The following GPC6 variants were observed in gnomAD, a reference collection of about 807,000 sequenced individuals.
GPC6 encodes glypican-6.
Under a neutral mutation model 55.2 loss-of-function variants are expected in GPC6, and 14 were observed. That is an observed-to-expected ratio of 0.25 (90% confidence interval 0.17 to 0.40). The LOEUF (loss-of-function observed/expected upper bound fraction) is 0.40, where lower values mean the gene tolerates loss of function less well. Among genes scored for constraint, GPC6 ranks in the 10% least tolerant of loss-of-function variants. GPC6 has a pLI of 1.00. For synonymous variants in GPC6, 278 were observed against 259.6 expected (o/e 1.07, Z -0.68); for missense variants, 641 against 708.5 (o/e 0.90, Z 1.08).
At chr13:93,949,046 A>G (rs941701024) in intron 3 of GPC6, among the ~76,000 whole-genome samples, 1 of 152,110 alleles carries the variant, frequency 6.6e-6, no homozygotes, top group Non-Finnish European at 1.5e-5. Flanking sequence ...TATTGATTGG[A>G]TACTTACCTC....
At chr13:94,338,295 G>GA (rs1355928461) in intron 6 of GPC6, among the ~76,000 whole-genome samples, 2 of 152,104 alleles carry the variant, frequency 1.3e-5, no homozygotes, top group Non-Finnish European at 2.9e-5. Flanking sequence ...AAGTTTGGGG[G>GA]AACCCACAAG....
intron 1 of GPC6, among the ~76,000 whole-genome samples, chr13:93,319,096 A>C (rs946109097): frequency 6.6e-6 from 1 of 152,130 alleles, no homozygotes; most frequent in African/African-American, 2.4e-5. Flanking sequence ...CTGTCCCCTC[A>C]TGCATCTCTA....
intron 1 of GPC6, among the ~76,000 whole-genome samples, chr13:93,287,733 G>C (rs9523998): frequency 2.0e-5 from 3 of 151,954 alleles, no homozygotes; most frequent in African/African-American, 7.3e-5. Flanking sequence ...TGTGTATTAC[G>C]GGGGGAAATG....
At chr13:94,011,578 A>T (rs1328411385) in intron 3 of GPC6, among the ~76,000 whole-genome samples, 2 of 152,210 alleles carry the variant, frequency 1.3e-5, no homozygotes, top group Non-Finnish European at 1.5e-5. Context: ...TTGTTCTCGG[A>T]ATATGTTTAC....
At chr13:93,395,055 A>C in intron 1 of GPC6, 1 of 263,020 alleles carries the variant, frequency 3.8e-6, no homozygotes, top group Non-Finnish European at 7.6e-6. Context: ...CCAAAATGTG[A>C]AGACTGACTG....
At chr13:93,891,835 G>A (rs1289878568) in intron 3 of GPC6, among the ~76,000 whole-genome samples, 6 of 149,904 alleles carry the variant, frequency 4.0e-5, no homozygotes, top group Admixed American at 4.0e-4. Context: ...CATACTATAT[G>A]TGTGTGTGTG....
At chr13:94,009,598 C>A (rs1473192461) in intron 3 of GPC6, among the ~76,000 whole-genome samples, 4 of 152,094 alleles carry the variant, frequency 2.6e-5, no homozygotes, top group Non-Finnish European at 5.9e-5. Flanking sequence ...GGAAATAATT[C>A]ACCTAAGATG....
At chr13:93,863,820 T>A (rs904675358) in intron 3 of GPC6, among the ~76,000 whole-genome samples, 2 of 151,676 alleles carry the variant, frequency 1.3e-5, no homozygotes, top group Admixed American at 1.3e-4. Context: ...TATATTAAAT[T>A]GGGATCAACT....
At chr13:93,824,041 T>A (rs1887147291) in intron 2 of GPC6, among the ~76,000 whole-genome samples, 1 of 152,080 alleles carries the variant, frequency 6.6e-6, no homozygotes, top group East Asian at 1.9e-4. Flanking sequence ...AACTGTAATT[T>A]AAAAAAATCT....
chr13:93,835,656 G>T (rs1243857970), intron 3 of GPC6, among the ~76,000 whole-genome samples: 1 of 152,150 alleles, frequency 6.6e-6, no homozygotes, highest in African/African-American at 2.4e-5. Context: ...GGAGGCTGAA[G>T]CAGGAGAATC....
chr13:93,744,237 C>T (rs970110915), intron 2 of GPC6, among the ~76,000 whole-genome samples: 3 of 152,180 alleles, frequency 2.0e-5, no homozygotes, highest in Non-Finnish European at 2.9e-5. Flanking sequence ...CAGTGTTTTT[C>T]CTGACCTCTG....
intron 2 of GPC6, among the ~76,000 whole-genome samples, chr13:93,689,300 G>T (rs1202408813): frequency 6.6e-6 from 1 of 152,032 alleles, no homozygotes; most frequent in African/African-American, 2.4e-5. Flanking sequence ...GAGTGACTAT[G>T]ATTTACTACT....
intron 1 of GPC6, among the ~76,000 whole-genome samples, chr13:93,318,181 C>T (rs1031119901): frequency 1.3e-5 from 2 of 152,026 alleles, no homozygotes; most frequent in African/African-American, 4.8e-5. Flanking sequence ...GCAGCTTATT[C>T]GAGACTCTTC....
chr13:93,423,042 T>G (rs187705399), intron 1 of GPC6, among the ~76,000 whole-genome samples: 1 of 126,866 alleles, frequency 7.9e-6, no homozygotes, highest in Non-Finnish European at 2.0e-5. Context: ...ACAGACATGG[T>G]GGTCACACCC....
chr13:93,861,323 T>G (rs569440668), intron 3 of GPC6, among the ~76,000 whole-genome samples: 1 of 151,576 alleles, frequency 6.6e-6, no homozygotes, highest in African/African-American at 2.4e-5. Context: ...AATAAGACAT[T>G]CATTTCAAAA....
chr13:93,884,590 A>G (rs1001877193), intron 3 of GPC6, among the ~76,000 whole-genome samples: 3 of 152,136 alleles, frequency 2.0e-5, no homozygotes, highest in Non-Finnish European at 2.9e-5. Flanking sequence ...AAACAAAACT[A>G]TAATCTTACA....
chr13:94,022,727 T>C (rs9589882), intron 3 of GPC6, among the ~76,000 whole-genome samples: 20,785 of 152,052 alleles, frequency 0.14, 1,665 homozygotes, highest in East Asian at 0.33. Flanking sequence ...GGGTTCCATT[T>C]TTCTCCACAC....
At chr13:94,088,091 C>G (rs1336374729) in intron 4 of GPC6, among the ~76,000 whole-genome samples, 2 of 152,132 alleles carry the variant, frequency 1.3e-5, no homozygotes, top group African/African-American at 2.4e-5. Flanking sequence ...TGTACTAGGA[C>G]AGGATCAATT....
rs1429062439 is a variant in GPC6 at position 93,676,144 on chromosome 13, T to A, written c.319+130723T>A. Among the ~76,000 whole-genome samples, 28 of 11,200 alleles carry A rather than the reference T, an allele frequency of 2.5e-3. 1 individual carries two copies. Among genetic ancestry groups the A allele is most frequent in the African/African-American group, 3.7e-3 (27 of 7,280 alleles). The allele number at this position is 11,200 out of a possible 152,430, so 7.3% of individuals were successfully genotyped here. A position where few individuals can be genotyped will look rare whatever the true frequency, so the allele number is the denominator to read the frequency against. On this transcript the variant is annotated intron_variant, in intron 2 of 8. Transcript: ENST00000377047. ...AAAAAAAAATATATATATATATATA[T>A]ATATATATATATATATATATATATA...
Sources: gnomAD v4.1 joint callset for allele counts (sites outside exome capture counted in the v4.1 genomes callset) on GRCh38, gnomAD v4.1.1 for gene constraint, MANE v1.5 for transcripts, NCBI Gene and HGNC (gene_info 2026-07-23, HGNC 2026-07-21) for gene names.